Variants in GALNT18 observed in about 807,000 individuals in gnomAD.
The protein encoded by GALNT18 is polypeptide N-acetylgalactosaminyltransferase 18.
GALNT18 carries 44 observed loss-of-function variants against 69.5 expected under a neutral mutation model. That is an observed-to-expected ratio of 0.63 (90% CI 0.50 to 0.81). The LOEUF is 0.81. Among genes scored for constraint, GALNT18 ranks in the 40% least tolerant of loss-of-function variants. The probability of loss-of-function intolerance (pLI) is 0.00; values close to 1 mark genes in which losing one functional copy is unlikely to be tolerated. For synonymous variants in GALNT18, 364 were observed against 318.2 expected, an observed-to-expected ratio of 1.14 and a Z score of -1.53; for missense variants, 715 against 810.0, an observed-to-expected ratio of 0.88 and a Z score of 1.42.
chr11:11,528,836 C>T (rs1857577618), intron 1 of GALNT18, among the ~76,000 whole-genome samples: 1 of 152,202 alleles, frequency 6.6e-6, no homozygotes, highest in Non-Finnish European at 1.5e-5. Flanking sequence ...ATGGGAGTTT[C>T]AAAGATAATG....
At chr11:11,410,987 T>TG (rs1854713671) in intron 3 of GALNT18, among the ~76,000 whole-genome samples, 1 of 152,154 alleles carries the variant, frequency 6.6e-6, no homozygotes, top group African/African-American at 2.4e-5. Flanking sequence ...TGTCAATGCC[T>TG]CCTGGGTGCC....
chr11:11,435,698 TCTACGGC>T lies in GALNT18; in HGVS notation c.429-2918_429-2912del, dbSNP rs2133800020. On this transcript the variant is annotated intron_variant, in intron 2 of 10. Coordinates refer to ENST00000227756, the MANE Select transcript of GALNT18 (RefSeq NM_198516.3). The surrounding 1 kb of genome is among the most constrained non-coding windows in gnomAD (Gnocchi z 4.4). ...CGAACCTAACAGCTTGCTTGTTTTATCTACGGCCTACATTTTGAGTGTCTGCCGCTGA... is the reference window on the plus strand; with the variant it reads ...CGAACCTAACAGCTTGCTTGTTTTATCTACATTTTGAGTGTCTGCCGCTGA... Among the ~76,000 whole-genome samples the T allele has an allele frequency of 6.6e-6, 1 of 152,304 alleles. No homozygotes were observed. The highest frequency in any genetic ancestry group is 1.9e-4 in the East Asian group (1 of 5,158).
chr11:11,597,683 C>A (rs1418084832), intron 1 of GALNT18, among the ~76,000 whole-genome samples: 2 of 143,038 alleles, frequency 1.4e-5, no homozygotes, highest in Non-Finnish European at 3.0e-5. Context: ...TTTTTTGAGA[C>A]AGAATCTCAC....
chr11:11,294,607 CAGAA>C, intron 9 of GALNT18, among the ~76,000 whole-genome samples: 1 of 10,168 alleles, frequency 9.8e-5, no homozygotes, highest in East Asian at 5.7e-4. Context: ...AAACACATCC[CAGAA>C]AAAAAAAAAA....
chr11:11,486,928 A>G lies in GALNT18; in HGVS notation c.236-37992T>C, dbSNP rs546798762. Among the ~76,000 whole-genome samples the G allele has an allele frequency of 5.7e-4, 87 of 152,316 alleles. 1 individual carries two copies. Among genetic ancestry groups the G allele is most frequent in the African/African-American group, 2.0e-3 (84 of 41,574 alleles). On this transcript the variant is annotated intron_variant, in intron 1 of 10. Transcript: ENST00000227756. ...AATAAATGTTCCTGCCATCTCCCTCACCACTTGACCTGGTATGATGGCCAA... is the reference window on the plus strand; with the variant it reads ...AATAAATGTTCCTGCCATCTCCCTCGCCACTTGACCTGGTATGATGGCCAA...
In GALNT18 at chr11:11,291,360, C is replaced by T. The variant is rs188593080; in HGVS notation, c.1677+1669G>A. 3.3e-5 allele frequency among the ~76,000 whole-genome samples: 5 copies of T among 152,266 alleles called. No individual in the cohort carries two copies. In the East Asian group the frequency reaches 9.6e-4, roughly 29 times the overall value. ...TCATAAATAATGACCAACATGAGCA[C>T]CTTGGGCATGTTCGTTAACTTCTCT... is the stretch of plus-strand genomic sequence containing the variant. On this transcript the variant is annotated intron_variant, in intron 10 of 10. Transcript: ENST00000227756.
intron 1 of GALNT18, among the ~76,000 whole-genome samples, chr11:11,559,379 A>T (rs574351909): frequency 1.4e-4 from 22 of 152,194 alleles, no homozygotes; most frequent in African/African-American, 4.8e-4. Context: ...TCACACCCCA[A>T]CTGTCTGCTT....
intron 2 of GALNT18, among the ~76,000 whole-genome samples, chr11:11,443,893 A>G (rs940748257): frequency 1.3e-5 from 2 of 152,234 alleles, no homozygotes; most frequent in Non-Finnish European, 2.9e-5. Flanking sequence ...CCAGGAGCCA[A>G]GGGGCCTGGA....
intron 10 of GALNT18, among the ~76,000 whole-genome samples, chr11:11,277,952 A>C (rs1038515997): frequency 1.3e-5 from 2 of 152,082 alleles, no homozygotes. Flanking sequence ...AAGTCCGATG[A>C]GGTGCTGAGA....
At chr11:11,364,781 T>C (rs560993972) in intron 6 of GALNT18, among the ~76,000 whole-genome samples, 2 of 152,324 alleles carry the variant, frequency 1.3e-5, no homozygotes, top group South Asian at 2.1e-4. Flanking sequence ...AAAGTCCTTA[T>C]CTATTTTGGA....
Position 11,519,586 on chromosome 11 carries a change from A to C in GALNT18, c.236-70650T>G, listed in dbSNP as rs1237647013. ...CCTAGGCCAGGAACCCATTCTCCAT[A>C]TGGGCCAGCCAGGGAAAGCCTGATT... is the stretch of plus-strand genomic sequence containing the variant. On this transcript the variant is annotated intron_variant, in intron 1 of 10. Transcript: ENST00000227756. 2.0e-5 allele frequency among the ~76,000 whole-genome samples: 3 copies of C among 152,194 alleles called. No homozygotes were observed. In the East Asian group the frequency reaches 5.8e-4, roughly 29 times the overall value.
At chr11:11,460,051 T>A (rs1167626945) in intron 1 of GALNT18, among the ~76,000 whole-genome samples, 1 of 152,176 alleles carries the variant, frequency 6.6e-6, no homozygotes, top group Non-Finnish European at 1.5e-5. Flanking sequence ...CACTCTGACC[T>A]TCTCTTCAGC....
In GALNT18 at chr11:11,289,324, C is replaced by G. The variant is rs190475790; in HGVS notation, c.1677+3705G>C. Among the ~76,000 whole-genome samples the G allele has an allele frequency of 2.0e-5, 3 of 152,170 alleles. No homozygotes were observed. In the East Asian group the frequency reaches 5.8e-4, roughly 29 times the overall value. ...TCAAAAATAGTATTTCCAAACAGTT[C>G]CCTTTTGTAGAAGGATCAAATATAT... On this transcript the variant is annotated intron_variant, in intron 10 of 10. Coordinates refer to ENST00000227756, the MANE Select transcript of GALNT18 (RefSeq NM_198516.3).
At chr11:11,312,517 T>C (rs1354690612) in intron 9 of GALNT18, among the ~76,000 whole-genome samples, 1 of 152,128 alleles carries the variant, frequency 6.6e-6, no homozygotes, top group African/African-American at 2.4e-5. Context: ...TTCAGCAGGC[T>C]GAGGAGGAGG....
chr11:11,525,797 G>C (rs1003589777), intron 1 of GALNT18, among the ~76,000 whole-genome samples: 4 of 151,924 alleles, frequency 2.6e-5, no homozygotes, highest in Non-Finnish European at 5.9e-5. Flanking sequence ...ACCACGCCCA[G>C]CTAATTTTGT....
chr11:11,341,505 T>C lies in GALNT18; in HGVS notation c.1093-501A>G, dbSNP rs1381951544. Among the ~76,000 whole-genome samples the C allele has an allele frequency of 1.3e-5, 2 of 152,142 alleles. No homozygotes were observed. Among genetic ancestry groups the C allele is most frequent in the Non-Finnish European group, 2.9e-5 (2 of 68,022 alleles). ...GTGTCACCAGACACCCTTCTTCTAG[T>C]GCATCTTTCCGAGGCTCTGGGTTCT... On this transcript the variant is annotated intron_variant, in intron 6 of 10. Coordinates refer to ENST00000227756, the MANE Select transcript of GALNT18 (RefSeq NM_198516.3). The surrounding 1 kb of genome is among the most constrained non-coding windows in gnomAD (Gnocchi z 6.3).
chr11:11,524,689 G>T (rs1857478981), intron 1 of GALNT18, among the ~76,000 whole-genome samples: 2 of 152,210 alleles, frequency 1.3e-5, no homozygotes, highest in Admixed American at 1.3e-4. Context: ...TGTGAGCATA[G>T]AAATAAGTGT....
rs909734661 is a variant in GALNT18 at position 11,494,999 on chromosome 11, G to C, written c.236-46063C>G. Among the ~76,000 whole-genome samples, 1 of 151,758 alleles carries C rather than the reference G, an allele frequency of 6.6e-6. No individual in the cohort carries two copies. The highest frequency in any genetic ancestry group is 1.5e-5 in the Non-Finnish European group (1 of 67,990). ...CAGCATGAATCTTCAAGAGCATCCTGGTTTTGCCTAGGGAAGGGGAAGGTT... is the reference window on the plus strand; with the variant it reads ...CAGCATGAATCTTCAAGAGCATCCTCGTTTTGCCTAGGGAAGGGGAAGGTT... On this transcript the variant is annotated intron_variant, in intron 1 of 10. Transcript: ENST00000227756. The surrounding 1 kb of genome is among the most constrained non-coding windows in gnomAD (Gnocchi z 5.7).
At chr11:11,374,399 G>A (rs144835263) in intron 5 of GALNT18, among the ~76,000 whole-genome samples, 188 of 152,336 alleles carry the variant, frequency 1.2e-3, no homozygotes, top group Non-Finnish European at 2.1e-3. Context: ...AAGGTAAAAA[G>A]ATGCAATTGT....
Sources: allele counts gnomAD v4.1 joint callset (sites outside exome capture counted in the v4.1 genomes callset), GRCh38; gene constraint gnomAD v4.1.1; non-coding constraint Gnocchi (gnomAD v3.1); transcripts MANE v1.5; gene names NCBI Gene and HGNC (gene_info 2026-07-23, HGNC 2026-07-21).